Variants in SH3GL3 observed in about 807,000 individuals in gnomAD.
The protein encoded by SH3GL3 is SH3 domain containing GRB2 like 3, endophilin A3, also known as endophilin-A3.
A neutral mutation model predicts 47.7 loss-of-function variants in SH3GL3; 33 were observed. The observed-to-expected ratio is 0.69, with a 90% CI of 0.52 to 0.92. The LOEUF (loss-of-function observed/expected upper bound fraction) is 0.92, where lower values mean the gene tolerates loss of function less well. SH3GL3 is among the 40% of genes least tolerant of loss of function. The pLI is 0.00. For synonymous variants in SH3GL3, 155 were observed against 148.8 expected (o/e 1.04, Z -0.30); for missense variants, 363 against 417.8 (o/e 0.87, Z 1.14).
At chr15:83,533,862 C>A (rs1034231302) in intron 1 of SH3GL3, among the ~76,000 whole-genome samples, 2 of 152,010 alleles carry the variant, frequency 1.3e-5, no homozygotes, top group African/African-American at 4.8e-5. Context: ...CCTTGCTGAG[C>A]CAATTTGTCT....
At chr15:83,463,659 A>G (rs1234138864) in intron 1 of SH3GL3, among the ~76,000 whole-genome samples, 1 of 151,948 alleles carries the variant, frequency 6.6e-6, no homozygotes, top group Non-Finnish European at 1.5e-5. Flanking sequence ...TCCTGTCTTG[A>G]AAAAGGAAAG....
chr15:83,566,361 AGAGAGT>A (rs1175073564), intron 3 of SH3GL3, among the ~76,000 whole-genome samples: 2 of 118,344 alleles, frequency 1.7e-5, no homozygotes, highest in African/African-American at 6.4e-5. Flanking sequence ...AGAGAGAGAG[AGAGAGT>A]GTGTGTGTGT....
At chr15:83,500,197 C>A (rs1367213085) in intron 1 of SH3GL3, among the ~76,000 whole-genome samples, 1 of 152,146 alleles carries the variant, frequency 6.6e-6, no homozygotes, top group African/African-American at 2.4e-5. Flanking sequence ...TATGGGGTAA[C>A]CACAGCTGAC....
intron 1 of SH3GL3, among the ~76,000 whole-genome samples, chr15:83,528,121 A>C (rs1400796813): frequency 6.6e-6 from 1 of 152,154 alleles, no homozygotes; most frequent in African/African-American, 2.4e-5. Context: ...ATAAACCTCA[A>C]GCTTATTCTC....
chr15:83,550,571 C>T (rs549521847), intron 1 of SH3GL3, among the ~76,000 whole-genome samples: 1 of 151,808 alleles, frequency 6.6e-6, no homozygotes, highest in East Asian at 2.0e-4. Context: ...TGTATTTTTA[C>T]TAGAGATGGG....
intron 8 of SH3GL3, among the ~76,000 whole-genome samples, chr15:83,614,049 A>G (rs542354433): frequency 1.4e-4 from 21 of 152,336 alleles, no homozygotes; most frequent in African/African-American, 4.6e-4. Context: ...ATCCACATTA[A>G]AACAGTTATA....
At chr15:83,592,419 T>G (rs1180439154) in intron 8 of SH3GL3, among the ~76,000 whole-genome samples, 1 of 152,234 alleles carries the variant, frequency 6.6e-6, no homozygotes, top group Non-Finnish European at 1.5e-5. Context: ...TGCATGACTT[T>G]TCTGACTACT....
the SH3GL3 span, among the ~76,000 whole-genome samples, chr15:83,632,469 A>G: frequency 6.6e-6 from 1 of 152,220 alleles, no homozygotes; most frequent in Non-Finnish European, 1.5e-5. Flanking sequence ...GTATTAGTCT[A>G]TTCTCACACT....
chr15:83,569,590 C>T (rs768602742), intron 4 of SH3GL3, among the ~76,000 whole-genome samples: 1 of 152,162 alleles, frequency 6.6e-6, no homozygotes, highest in Non-Finnish European at 1.5e-5. Flanking sequence ...CCAACCTACC[C>T]TTCAGAAGGG....
intron 1 of SH3GL3, among the ~76,000 whole-genome samples, chr15:83,549,060 T>C (rs2044539384): frequency 6.6e-6 from 1 of 152,204 alleles, no homozygotes; most frequent in Non-Finnish European, 1.5e-5. Context: ...TAAACACTTC[T>C]GTTGGGTTCT....
chr15:83,577,486 G>A (rs1201297943), intron 6 of SH3GL3, among the ~76,000 whole-genome samples: 3 of 151,980 alleles, frequency 2.0e-5, no homozygotes, highest in Admixed American at 1.3e-4. Context: ...CTGCAGCCTC[G>A]ACCTCCCAGG....
chr15:83,585,501 A>G (rs1354704193), intron 6 of SH3GL3, among the ~76,000 whole-genome samples: 6 of 152,240 alleles, frequency 3.9e-5, no homozygotes, highest in Non-Finnish European at 5.9e-5. Context: ...GAGGCATAGC[A>G]TAGATTTTGC....
chr15:83,560,454 A>T (rs979251638), intron 2 of SH3GL3, among the ~76,000 whole-genome samples: 3 of 152,112 alleles, frequency 2.0e-5, no homozygotes, highest in Non-Finnish European at 4.4e-5. Flanking sequence ...CACCATTGAC[A>T]TACCTTAAAT....
chr15:83,580,164 C>T (rs564454803), intron 6 of SH3GL3, among the ~76,000 whole-genome samples: 3 of 152,328 alleles, frequency 2.0e-5, no homozygotes, highest in African/African-American at 7.2e-5. Context: ...CACGTCCAAC[C>T]TTGGTCACTC....
the SH3GL3 span, among the ~76,000 whole-genome samples, chr15:83,628,491 C>T: frequency 6.6e-6 from 1 of 152,026 alleles, no homozygotes; most frequent in Admixed American, 6.6e-5. Flanking sequence ...ACCTGTAATC[C>T]CAGCATTTTG....
At chr15:83,620,346 C>G (rs2060911128), downstream of SH3GL3, among the ~76,000 whole-genome samples, 1 of 152,172 alleles carries the variant, frequency 6.6e-6, no homozygotes, top group Non-Finnish European at 1.5e-5. Context: ...TTACTTTGCC[C>G]AGATCCATCA....
chr15:83,509,963 T>G (rs1206852398), intron 1 of SH3GL3, among the ~76,000 whole-genome samples: 1 of 152,164 alleles, frequency 6.6e-6, no homozygotes. Flanking sequence ...GCCCACACAC[T>G]TTTGCCATCC....
chr15:83,559,802 T>C (rs2151743351), intron 2 of SH3GL3, among the ~76,000 whole-genome samples: 1 of 152,334 alleles, frequency 6.6e-6, no homozygotes, highest in Admixed American at 6.5e-5. Context: ...TGAACTTGGA[T>C]AAGTGAATTC....
chr15:83,626,384 G>A, the SH3GL3 span, among the ~76,000 whole-genome samples: 13 of 152,104 alleles, frequency 8.5e-5, no homozygotes, highest in Non-Finnish European at 1.0e-4. Flanking sequence ...TCCTGACCAC[G>A]CCATGACTTT....
Sources: gnomAD v4.1 joint callset for allele counts (sites outside exome capture counted in the v4.1 genomes callset) on GRCh38, gnomAD v4.1.1 for gene constraint, MANE v1.5 for transcripts, NCBI Gene and HGNC (gene_info 2026-07-23, HGNC 2026-07-21) for gene names.